Variants in MET observed in about 807,000 individuals in gnomAD.
MET encodes MET proto-oncogene, receptor tyrosine kinase.
Under a neutral mutation model 133.1 loss-of-function variants are expected in MET, and 48 were observed. The ratio of observed to expected loss-of-function variants is 0.36; its 90% CI spans 0.29 to 0.46. The LOEUF (loss-of-function observed/expected upper bound fraction) is 0.46. MET is among the 20% of genes least tolerant of loss of function. MET has a pLI of 1.00. For synonymous variants in MET, 628 were observed against 616.5 expected (o/e 1.02, Z -0.28); for missense variants, 1,442 against 1,695.9 (o/e 0.85, Z 2.63).
At chr7:116,705,622 C>A (rs914015459) in intron 2 of MET, among the ~76,000 whole-genome samples, 2 of 151,990 alleles carry the variant, frequency 1.3e-5, no homozygotes, top group Non-Finnish European at 2.9e-5. Flanking sequence ...TGGCCATATG[C>A]CAAATGTAAT....
intron 2 of MET, chr7:116,724,692 G>T: frequency 3.6e-6 from 2 of 560,506 alleles, no homozygotes; most frequent in Non-Finnish European, 6.2e-6. Context: ...AAAAAAATCA[G>T]CAAGGGAAGC....
chr7:116,764,512 C>G (rs559010763), intron 11 of MET, among the ~76,000 whole-genome samples: 1 of 151,946 alleles, frequency 6.6e-6, no homozygotes. Context: ...AATAGTTTTA[C>G]ACTCACAGAA....
intron 5 of MET, among the ~76,000 whole-genome samples, chr7:116,742,205 G>A (rs753654815): frequency 6.6e-6 from 1 of 152,244 alleles, no homozygotes; most frequent in South Asian, 2.1e-4. Context: ...ATTTAGTTAC[G>A]GTTTGGAGCA....
intron 14 of MET, among the ~76,000 whole-genome samples, 200 bp from the exon 15 acceptor site, chr7:116,774,681 G>T (rs1584957539): frequency 6.6e-6 from 1 of 152,144 alleles, no homozygotes; most frequent in Non-Finnish European, 1.5e-5. Flanking sequence ...AGGGTAAAAA[G>T]CTTTCAAAAT....
intron 2 of MET, among the ~76,000 whole-genome samples, chr7:116,716,336 AG>A (rs1792204687): frequency 7.6e-6 from 1 of 132,172 alleles, no homozygotes; most frequent in Non-Finnish European, 1.6e-5. Context: ...AGAGAGAGAG[AG>A]AAAAGAAACG....
At position 116,672,446 on chromosome 7, in the gene MET, T is replaced by G. The variant is rs1192157862; in HGVS notation, c.-146T>G. On this transcript the variant is annotated 5_prime_UTR_variant, in exon 1 of 21. An upstream start codon of the reference 5' UTR is lost. Transcript: ENST00000397752. ...GCGCCCCGAGCGCTTTGTGAGCAGA[T>G]GCGGAGCCGAGTGGAGGGCGCGAGC... 1 of 396,794 alleles carries G rather than the reference T, an allele frequency of 2.5e-6. No homozygotes were observed. The highest frequency in any genetic ancestry group is 4.4e-6 in the Non-Finnish European group (1 of 225,078). 24.6% of individuals were successfully genotyped at this position (396,794 alleles called of 1,614,324 possible).
chr7:116,695,789 C>T (rs535507062), intron 1 of MET: 46 of 491,756 alleles, frequency 9.4e-5, no homozygotes, highest in Middle Eastern at 9.4e-4. Context: ...TAGCAGAATG[C>T]TTCCCATATG....
Position 116,672,428 on chromosome 7 carries a change from G to A in MET, c.-164G>A, listed in dbSNP as rs1422700090. 5.1e-6 allele frequency: 2 copies of A among 395,062 alleles called. No individual in the cohort carries two copies. The highest frequency in any genetic ancestry group is 8.9e-5 in the Admixed American group (2 of 22,564). 24.5% of individuals were successfully genotyped at this position (395,062 alleles called of 1,614,324 possible). A position where few individuals can be genotyped will look rare whatever the true frequency, so the allele number is the denominator to read the frequency against. On this transcript the variant is annotated 5_prime_UTR_variant, in exon 1 of 21. Coordinates refer to ENST00000397752, the MANE Select transcript of MET (RefSeq NM_000245.4). ...AGGCCCTCGCCGCCCGCGGCGCCCC[G>A]AGCGCTTTGTGAGCAGATGCGGAGC...
At position 116,757,888 on chromosome 7, in the gene MET, T is replaced by C. The variant is rs1258621300; in HGVS notation, c.2102+114T>C. ...TGGAGAAGAAAAATCAAGATGTTTATTTGTTTACTCTCCTACTGACAAAAC... is the reference window on the plus strand; with the variant it reads ...TGGAGAAGAAAAATCAAGATGTTTACTTGTTTACTCTCCTACTGACAAAAC... On this transcript the variant is annotated intron_variant, in intron 8 of 20. Coordinates refer to ENST00000397752, the MANE Select transcript of MET (RefSeq NM_000245.4). 2.5e-6 allele frequency: 3 copies of C among 1,211,156 alleles called. No individual in the cohort carries two copies. In the African/African-American group the frequency reaches 4.6e-5, roughly 18 times the overall value. The allele number at this position is 1,211,156 out of a possible 1,614,324, so 75.0% of individuals were successfully genotyped here.
At chr7:116,714,016 C>G (rs1262201349) in intron 2 of MET, among the ~76,000 whole-genome samples, 1 of 152,154 alleles carries the variant, frequency 6.6e-6, no homozygotes, top group Non-Finnish European at 1.5e-5. Context: ...TTTCTGTTAA[C>G]TAAGTAGAGG....
At chr7:116,736,945 C>T (rs1401290558) in intron 3 of MET, among the ~76,000 whole-genome samples, 1 of 152,172 alleles carries the variant, frequency 6.6e-6, no homozygotes, top group Admixed American at 6.5e-5. Context: ...ATTTCTGGCA[C>T]ACATTACTTC....
chr7:116,687,789 C>T (rs540836980), intron 1 of MET, among the ~76,000 whole-genome samples: 5 of 152,282 alleles, frequency 3.3e-5, no homozygotes, highest in East Asian at 1.9e-4. Context: ...CTACAAGGAA[C>T]GCCCAGCTCA....
At chr7:116,794,125 T>G (rs1385030644) in intron 19 of MET, among the ~76,000 whole-genome samples, 1 of 152,170 alleles carries the variant, frequency 6.6e-6, no homozygotes, top group East Asian at 1.9e-4. Context: ...ATATTACTGC[T>G]CTATATTACA....
intron 1 of MET, among the ~76,000 whole-genome samples, chr7:116,696,737 A>T (rs1196391249): frequency 6.6e-6 from 1 of 152,200 alleles, no homozygotes; most frequent in African/African-American, 2.4e-5. Flanking sequence ...CTCTGTGCAG[A>T]TAATGTGCAA....
At position 116,783,373 on chromosome 7, in the gene MET, C is replaced by T. The variant is rs201747580; in HGVS notation, c.3702C>T (p.Tyr1234=). The stretch of plus-strand genomic sequence containing the variant: ...CCAGAGACATGTATGATAAAGAATA[C>T]TATAGTGTACACAACAAAACAGGTG... ...GLARDMYDKE[Y]YSVHNKTGAK... Residue 1234 remains tyrosine, a synonymous_variant, in exon 19 of 21, where the codon TAC becomes TAT. Coordinates refer to ENST00000397752, the MANE Select transcript of MET (RefSeq NM_000245.4). 54 of 1,614,064 alleles carry T rather than the reference C, an allele frequency of 3.3e-5. No homozygotes were observed. The East Asian group carries it at 1.2e-3, about 35-fold the overall frequency.
chr7:116,732,721 A>G (rs1038280819), intron 3 of MET, among the ~76,000 whole-genome samples: 8 of 152,194 alleles, frequency 5.3e-5, no homozygotes, highest in Admixed American at 3.3e-4. Flanking sequence ...CTAGTAAACC[A>G]ACTGAGAATG....
chr7:116,747,705 C>T (rs777883495), intron 5 of MET, among the ~76,000 whole-genome samples: 39 of 152,102 alleles, frequency 2.6e-4, no homozygotes, highest in Non-Finnish European at 5.1e-4. Context: ...CTATCAACAT[C>T]AGACAGATCA....
rs1227091238 is a variant in MET at position 116,699,556 on chromosome 7, G to T, written c.472G>T (p.Val158Phe). The T allele has an allele frequency of 6.2e-7, 1 of 1,613,986 alleles. No individual in the cohort carries two copies. Among genetic ancestry groups the T allele is most frequent in the Non-Finnish European group, 8.5e-7 (1 of 1,179,936 alleles). The change falls in exon 2 of 21, where the codon GTT becomes TTT. Residue 158 changes from valine to phenylalanine, a missense_variant. By Grantham distance (50) the Val-to-Phe change is conservative. This residue lies in a region of MET where 762 missense variants were observed against 792.4 expected (regional missense o/e 0.96). Coordinates refer to ENST00000397752, the MANE Select transcript of MET (RefSeq NM_000245.4). ...TCATACTGCTGACATACAGTCGGAG[G>T]TTCACTGCATATTCTCCCCACAGAT... ...HNHTADIQSEVHCIFSPQIEE... is the reference protein window; with the variant it reads ...HNHTADIQSEFHCIFSPQIEE...
chr7:116,752,619 A>G (rs1793968117), intron 5 of MET, among the ~76,000 whole-genome samples: 1 of 152,218 alleles, frequency 6.6e-6, no homozygotes, highest in African/African-American at 2.4e-5. Flanking sequence ...CCAGAGAGAA[A>G]AGCTAAGCAG....
Sources: allele counts gnomAD v4.1 joint callset (sites outside exome capture counted in the v4.1 genomes callset), GRCh38; gene constraint gnomAD v4.1.1; regional missense constraint gnomAD v4.1.1; transcripts MANE v1.5; gene names NCBI Gene and HGNC (gene_info 2026-07-23, HGNC 2026-07-21).